ZNF33B: variants seen among roughly 807,000 people sequenced by gnomAD.
ZNF33B encodes zinc finger protein 11b (KOX 2).
Under a neutral mutation model 45.8 loss-of-function variants are expected in ZNF33B, and 29 were observed. The ratio of observed to expected loss-of-function variants is 0.63; its 90% CI spans 0.47 to 0.86. The LOEUF (loss-of-function observed/expected upper bound fraction) is 0.86, where lower values mean the gene tolerates loss of function less well. Ranked by LOEUF, ZNF33B falls within the 40% of genes least tolerant of loss-of-function variation. ZNF33B has a pLI of 0.00. For synonymous variants in ZNF33B, 305 were observed against 307.8 expected (o/e 0.99, Z 0.10); for missense variants, 831 against 909.9 (o/e 0.91, Z 1.12).
chr10:42,577,807 A>G (rs960375509), intron 1 of ZNF33B, among the ~76,000 whole-genome samples: 2 of 152,196 alleles, frequency 1.3e-5, no homozygotes, highest in African/African-American at 2.4e-5. Context: ...TGCAATTTGT[A>G]TATGAGATAA....
At chr10:42,615,772 A>G (rs1013366036) in intron 4 of ZNF33B, among the ~76,000 whole-genome samples, 11 of 151,702 alleles carry the variant, frequency 7.3e-5, no homozygotes, top group African/African-American at 2.7e-4. Flanking sequence ...AAAAATACAA[A>G]AAATTATCTG....
intron 4 of ZNF33B, among the ~76,000 whole-genome samples, chr10:42,601,855 C>G (rs534012787): frequency 8.8e-5 from 13 of 147,502 alleles, no homozygotes; most frequent in Non-Finnish European, 1.9e-4. Flanking sequence ...GTTCAATAAT[C>G]TTATTCTTCT....
Position 42,627,829 on chromosome 10 carries a change from T to A in ZNF33B, c.250+4100A>T, listed in dbSNP as rs181440270. On this transcript the variant is annotated intron_variant, in intron 4 of 4. Transcript: ENST00000359467. Reference sequence around the variant, plus strand: ...TTTAATTTCTAAATTATTATATATTTCCCTATTGTCATTCTATTACTGATT... The same window carrying A: ...TTTAATTTCTAAATTATTATATATTACCCTATTGTCATTCTATTACTGATT... 3.3e-5 allele frequency among the ~76,000 whole-genome samples: 5 copies of A among 149,998 alleles called. No homozygotes were observed. The East Asian group carries it at 9.7e-4, about 29-fold the overall frequency.
At chr10:42,616,414 C>G (rs948936317) in intron 4 of ZNF33B, among the ~76,000 whole-genome samples, 6 of 152,044 alleles carry the variant, frequency 3.9e-5, no homozygotes, top group Non-Finnish European at 8.8e-5. Context: ...AACTGATATG[C>G]ATTGTTCTTA....
In ZNF33B at chr10:42,594,294, A is replaced by G. The variant is rs756820883; in HGVS notation, c.656T>C (p.Phe219Ser). The change falls in exon 5 of 5, where the codon TTT becomes TCT. Residue 219 changes from phenylalanine to serine, a missense_variant. By Grantham distance (155) the Phe-to-Ser change is radical. Transcript: ENST00000359467. ...HEKIQTLDHNFEYSICQETLL... is the reference protein window; with the variant it reads ...HEKIQTLDHNSEYSICQETLL... Reference sequence around the variant, plus strand: ...GGTTTCCTGACATATACTGTATTCAAAATTGTGGTCTAAAGTTTGAATCTT... The same window carrying G: ...GGTTTCCTGACATATACTGTATTCAGAATTGTGGTCTAAAGTTTGAATCTT... The G allele has an allele frequency of 9.9e-6, 16 of 1,613,824 alleles. 1 individual carries two copies. The Middle Eastern group carries it at 1.5e-3, about 149-fold the overall frequency.
At chr10:42,596,102 A>C (rs919627287) in intron 4 of ZNF33B, among the ~76,000 whole-genome samples, 1 of 151,700 alleles carries the variant, frequency 6.6e-6, no homozygotes, top group Non-Finnish European at 1.5e-5. Flanking sequence ...ATAATATAGT[A>C]TATATGTTAT....
intron 2 of ZNF33B, among the ~76,000 whole-genome samples, chr10:42,636,394 TGCC>T (rs1433336851): frequency 6.6e-6 from 1 of 152,226 alleles, no homozygotes; most frequent in Non-Finnish European, 1.5e-5. Context: ...TCTTCCTTTC[TGCC>T]ATGGTTGTTG....
At position 42,593,855 on chromosome 10, in the gene ZNF33B, A is replaced by C. The variant is rs766346340; in HGVS notation, c.1095T>G (p.Thr365=). Reference sequence around the variant, plus strand: ...TAGTGAGGTTTGACTTCTCCCAGAAAGTTTTTCCACATTGATTACATTGAA... The same window carrying C: ...TAGTGAGGTTTGACTTCTCCCAGAACGTTTTTCCACATTGATTACATTGAA... ...KHFQCNQCGK[T]FWEKSNLTKH... Residue 365 remains threonine (T), a synonymous_variant, in exon 5 of 5, where the codon ACT becomes ACG. Transcript: ENST00000359467. 2.5e-6 allele frequency: 4 copies of C among 1,613,924 alleles called. No homozygotes were observed. The Admixed American group carries it at 6.7e-5, about 27-fold the overall frequency.
At position 42,600,432 on chromosome 10, in the gene ZNF33B, A is replaced by G. The variant is rs781404658; in HGVS notation, c.251-5733T>C. Among the ~76,000 whole-genome samples, 166 of 152,280 alleles carry G rather than the reference A, an allele frequency of 1.1e-3. 1 individual carries two copies. The highest frequency in any genetic ancestry group is 2.0e-3 in the Non-Finnish European group (135 of 67,994). On this transcript the variant is annotated intron_variant, in intron 4 of 4. Transcript: ENST00000359467. ...ATGATCTCTATCAATATGAAAAAAA[A>G]TCTTTATCACTGGTATTCCTGGCTC...
intron 4 of ZNF33B, among the ~76,000 whole-genome samples, chr10:42,620,599 G>A (rs148540123): frequency 1.7e-4 from 26 of 150,962 alleles, no homozygotes; most frequent in East Asian, 1.2e-3. Context: ...TTGTAGAAAC[G>A]GAGTCTCACT....
At chr10:42,625,015 A>G (rs1838740072) in intron 4 of ZNF33B, among the ~76,000 whole-genome samples, 1 of 142,232 alleles carries the variant, frequency 7.0e-6, no homozygotes, top group South Asian at 2.3e-4. Flanking sequence ...CTGAGAAAAA[A>G]TTTCTCAAAA....
chr10:42,596,631 G>T (rs1837412569), intron 4 of ZNF33B, among the ~76,000 whole-genome samples: 1 of 152,008 alleles, frequency 6.6e-6, no homozygotes, highest in Non-Finnish European at 1.5e-5. Context: ...CTCTGCAGTG[G>T]ATTATTGTTT....
At chr10:42,596,115 C>T (rs1388562408) in intron 4 of ZNF33B, among the ~76,000 whole-genome samples, 1 of 151,500 alleles carries the variant, frequency 6.6e-6, no homozygotes, top group East Asian at 1.9e-4. Context: ...TATGTTATTG[C>T]AGTCCTTAAA....
At chr10:42,613,431 C>G (rs1838182725) in intron 4 of ZNF33B, among the ~76,000 whole-genome samples, 1 of 151,954 alleles carries the variant, frequency 6.6e-6, no homozygotes, top group Admixed American at 6.6e-5. Context: ...ACCTGTAGCC[C>G]CAGCTACTTG....
intron 1 of ZNF33B, chr10:42,582,331 T>C (rs1195944037): frequency 6.6e-6 from 1 of 152,230 alleles, no homozygotes; most frequent in Admixed American, 6.5e-5. Flanking sequence ...TGAGCTCCTC[T>C]TTAAGTGAAT....
chr10:42,580,164 G>A (rs1836803474), intron 1 of ZNF33B, among the ~76,000 whole-genome samples: 2 of 152,182 alleles, frequency 1.3e-5, no homozygotes. Flanking sequence ...AGAATGCTCA[G>A]ATAATAGGTA....
chr10:42,575,094 T>A (rs1836728664), intron 1 of ZNF33B, among the ~76,000 whole-genome samples: 1 of 152,168 alleles, frequency 6.6e-6, no homozygotes, highest in Non-Finnish European at 1.5e-5. Flanking sequence ...AAGCAAAATT[T>A]CTGTATAAGA....
chr10:42,600,491 C>A (rs1156365666), intron 4 of ZNF33B, among the ~76,000 whole-genome samples: 2 of 152,158 alleles, frequency 1.3e-5, no homozygotes, highest in Non-Finnish European at 2.9e-5. Context: ...CACAGCACTG[C>A]AGCCTTGTGA....
chr10:42,620,573 T>G (rs1838529153), intron 4 of ZNF33B, among the ~76,000 whole-genome samples: 1 of 151,822 alleles, frequency 6.6e-6, no homozygotes, highest in Non-Finnish European at 1.5e-5. Flanking sequence ...AACTATTTTT[T>G]TTTTTTTAAT....
Sources: gnomAD v4.1 joint callset for allele counts (sites outside exome capture counted in the v4.1 genomes callset) on GRCh38, gnomAD v4.1.1 for gene constraint, MANE v1.5 for transcripts, NCBI Gene and HGNC (gene_info 2026-07-23, HGNC 2026-07-21) for gene names.